VGF: variants seen among roughly 807,000 people sequenced by gnomAD.
The protein encoded by VGF is VGF nerve growth factor inducible.
In VGF, 13 loss-of-function variants were observed where a neutral mutation model predicts 41.1. The observed-to-expected ratio is 0.32, with a 90% CI of 0.21 to 0.50. The LOEUF (loss-of-function observed/expected upper bound fraction) is 0.50. Ranked by LOEUF, VGF falls within the 20% of genes least tolerant of loss-of-function variation. The pLI is 0.98. For missense variants in VGF, 920 were observed against 882.1 expected (o/e 1.04, Z -0.54); for synonymous variants, 473 against 418.3 (o/e 1.13, Z -1.60).
In VGF at chr7:101,164,149, T is replaced by G. The variant is rs1373737851; in HGVS notation, c.695A>C (p.Gln232Pro). 6.6e-7 allele frequency: 1 copy of G among 1,505,372 alleles called. No individual in the cohort carries two copies. The highest frequency in any genetic ancestry group is 1.3e-5 in the South Asian group (1 of 75,968). The allele number at this position is 1,505,372 out of a possible 1,614,324, so 93.3% of individuals were successfully genotyped here. A position where few individuals can be genotyped will look rare whatever the true frequency, so the allele number is the denominator to read the frequency against. The change falls in exon 2 of 2, where the codon CAG becomes CCG. Residue 232 changes from glutamine (Q) to proline (P), a missense_variant. Gln to Pro is a moderately conservative substitution (Grantham distance 76, BLOSUM62 -1). Coordinates refer to ENST00000249330, the MANE Select transcript of VGF (RefSeq NM_003378.4). ...GGGCCCGCTGTCGGGCATACGCGCC[T>G]GGAATTGAGAGGGGGCCGGGGGCGG... ...PLPPPAPSQF[Q>P]ARMPDSGPLP...
At chr7:101,165,716 T>C (rs1165176148), upstream of VGF, 3 of 951,254 alleles carry the variant, frequency 3.2e-6, no homozygotes, top group African/African-American at 3.5e-5. Context: ...GGAGGGTGCC[T>C]GCCTCTCCCG....
Position 101,164,518 on chromosome 7 carries a change from T to C in VGF, c.326A>G (p.Glu109Gly). Residue 109 changes from glutamate (E) to glycine (G), a missense_variant, in exon 2 of 2, where the codon GAA becomes GGA. Coordinates refer to ENST00000249330, the MANE Select transcript of VGF (RefSeq NM_003378.4). Reference sequence around the variant, plus strand: ...CTCGGTCAGCAGAGCTTCAGCTGCTTCTTCCTCCGGCCCCTGCTGGGAGCC... The same window carrying C: ...CTCGGTCAGCAGAGCTTCAGCTGCTCCTTCCTCCGGCCCCTGCTGGGAGCC... ...PSGSQQGPEE[E>G]AAEALLTETV... 1 of 1,599,742 alleles carries C rather than the reference T, an allele frequency of 6.3e-7. No individual in the cohort carries two copies. The highest frequency in any genetic ancestry group is 1.3e-5 in the African/African-American group (1 of 74,948).
At position 101,164,355 on chromosome 7, in the gene VGF, G is replaced by C; in HGVS notation, c.489C>G (p.Leu163=). Residue 163 remains leucine (L), a synonymous_variant, in exon 2 of 2, where the codon CTC becomes CTG. Coordinates refer to ENST00000249330, the MANE Select transcript of VGF (RefSeq NM_003378.4). ...SEELEALASL[L]QELRDFSPSS... ...TTGGACTGAAATCTCGCAGTTCCTG[G>C]AGCAGGGACGCTAGCGCCTCGAGCT... The C allele has an allele frequency of 6.2e-7, 1 of 1,611,940 alleles. No individual in the cohort carries two copies. Among genetic ancestry groups the C allele is most frequent in the Non-Finnish European group, 8.5e-7 (1 of 1,179,902 alleles).
At chr7:101,168,966 G>A (rs1040620927), upstream of VGF, among the ~76,000 whole-genome samples, 2 of 152,060 alleles carry the variant, frequency 1.3e-5, no homozygotes, top group Non-Finnish European at 2.9e-5. Context: ...TACAGAAGAT[G>A]CTGAAGGCCC....
At chr7:101,167,140 C>T (rs1797234634), upstream of VGF, among the ~76,000 whole-genome samples, 1 of 152,166 alleles carries the variant, frequency 6.6e-6, no homozygotes, top group South Asian at 2.1e-4. The surrounding 1 kb of genome is among the most constrained non-coding windows in gnomAD (Gnocchi z 4.2). Flanking sequence ...CCTACACACA[C>T]ACTCACGTGC....
chr7:101,164,864 C>T lies in VGF; in HGVS notation c.-20-1G>A. 2 of 1,532,632 alleles carry T rather than the reference C, an allele frequency of 1.3e-6. No homozygotes were observed. Among genetic ancestry groups the T allele is most frequent in the Non-Finnish European group, 1.8e-6 (2 of 1,139,158 alleles). 94.9% of individuals were successfully genotyped at this position (1,532,632 alleles called of 1,614,324 possible). A position where few individuals can be genotyped will look rare whatever the true frequency, so the allele number is the denominator to read the frequency against. On this transcript the variant is annotated splice_acceptor_variant, in intron 1 of 1. Coordinates refer to ENST00000249330, the MANE Select transcript of VGF (RefSeq NM_003378.4). LOFTEE classifies it low-confidence loss of function (5UTR_SPLICE). ...TTCATGACCAAGAGGCTGCCGGAGA[C>T]TGAAAAATAGAAGGGACCAAAAAAA...
chr7:101,167,013 G>C (rs1372648927), upstream of VGF, among the ~76,000 whole-genome samples: 1 of 152,126 alleles, frequency 6.6e-6, no homozygotes, highest in African/African-American at 2.4e-5. The surrounding 1 kb of genome is among the most constrained non-coding windows in gnomAD (Gnocchi z 4.2). Flanking sequence ...CGCACCCTGA[G>C]ACTCTGGAAA....
Position 101,164,604 on chromosome 7 carries a change from C to T in VGF, c.240G>A (p.Arg80=), listed in dbSNP as rs1426773724. The change falls in exon 2 of 2, where the codon CGG becomes CGA. Residue 80 remains arginine, a synonymous_variant. Transcript: ENST00000249330. ...EGELFQGVDP[R]ALAAVLLQAL... is the part of the protein sequence containing the mutation. ...CCTGCAGCAGCACCGCGGCCAGCGC[C>T]CGGGGATCCACGCCCTGGAAAAGCT... is the stretch of plus-strand genomic sequence containing the variant. The T allele has an allele frequency of 1.3e-6, 2 of 1,599,466 alleles. No individual in the cohort carries two copies. Among genetic ancestry groups the T allele is most frequent in the South Asian group, 2.2e-5 (2 of 89,910 alleles).
chr7:101,164,927 T>G, intron 1 of VGF, 64 bp from the exon 2 acceptor site: 1 of 1,447,476 alleles, frequency 6.9e-7, no homozygotes, highest in Non-Finnish European at 9.1e-7. Flanking sequence ...TAGGTCTACG[T>G]TCCCTTCCCC....
At chr7:101,167,897 G>A (rs68051753), upstream of VGF, among the ~76,000 whole-genome samples, 11,330 of 152,062 alleles carry the variant, frequency 0.075, 632 homozygotes, top group African/African-American at 0.15. The surrounding 1 kb of genome is among the most constrained non-coding windows in gnomAD (Gnocchi z 4.2). Flanking sequence ...GATGGGCATG[G>A]TAGTGTTTCC....
At chr7:101,165,967 G>A (rs1267334768), upstream of VGF, among the ~76,000 whole-genome samples, 1 of 152,244 alleles carries the variant, frequency 6.6e-6, no homozygotes, top group Non-Finnish European at 1.5e-5. Flanking sequence ...GCTGCTGGAT[G>A]GAGCCCGCGT....
In VGF at chr7:101,163,674, T is replaced by C. The variant is rs1562868405; in HGVS notation, c.1170A>G (p.Ala390=). 6.5e-7 allele frequency: 1 copy of C among 1,537,958 alleles called. No homozygotes were observed. The highest frequency in any genetic ancestry group is 8.7e-7 in the Non-Finnish European group (1 of 1,147,088). ...EEDEEAAEAE[A]EAEEAERARQ... is the part of the protein sequence containing the mutation. ...GCGCCCTCTCCGCCTCCTCCGCCTC[T>C]GCCTCCGCCTCGGCCGCCTCCTCAT... is the stretch of plus-strand genomic sequence containing the variant. The change falls in exon 2 of 2, where the codon GCA becomes GCG. Residue 390 remains alanine (A), a synonymous_variant. Transcript: ENST00000249330. This position sits in a 1 kb window ranked among gnomAD's most constrained non-coding sequence, Gnocchi z 5.0.
chr7:101,166,010 C>A (rs968756089), upstream of VGF, among the ~76,000 whole-genome samples: 2 of 152,200 alleles, frequency 1.3e-5, no homozygotes, highest in South Asian at 4.1e-4. Flanking sequence ...GTAGTCCCAG[C>A]GTCTGACTGG....
chr7:101,168,783 G>C (rs1015706063), upstream of VGF, among the ~76,000 whole-genome samples: 4 of 152,166 alleles, frequency 2.6e-5, no homozygotes, highest in Non-Finnish European at 5.9e-5. Flanking sequence ...AGGTCTGGGA[G>C]AGAAAGAGAG....
At chr7:101,165,715 C>A (rs1342676654), upstream of VGF, 3 of 953,782 alleles carry the variant, frequency 3.1e-6, no homozygotes, top group East Asian at 2.3e-4. Flanking sequence ...TGGAGGGTGC[C>A]TGCCTCTCCC....
upstream of VGF, among the ~76,000 whole-genome samples, chr7:101,167,764 T>C (rs2116714501): frequency 6.6e-6 from 1 of 151,992 alleles, no homozygotes; most frequent in East Asian, 1.9e-4. This position sits in a 1 kb window ranked among gnomAD's most constrained non-coding sequence, Gnocchi z 4.2. Flanking sequence ...TGCGTGTACA[T>C]GTACATGGCT....
chr7:101,162,883 C>G lies in VGF; in HGVS notation c.*113G>C, dbSNP rs1584209205. 1 of 727,036 alleles carries G rather than the reference C, an allele frequency of 1.4e-6. No individual in the cohort carries two copies. Among genetic ancestry groups the G allele is most frequent in the Non-Finnish European group, 2.3e-6 (1 of 432,288 alleles). The allele number at this position is 727,036 out of a possible 1,614,324, so 45.0% of individuals were successfully genotyped here. On this transcript the variant is annotated 3_prime_UTR_variant, in exon 2 of 2. Transcript: ENST00000249330. The surrounding 1 kb of genome is among the most constrained non-coding windows in gnomAD (Gnocchi z 4.2). The stretch of plus-strand genomic sequence containing the variant: ...CGCAGCCCGGGGACAGGGGCAGGGC[C>G]AAGGGGCAGGGCCGGGGCGCATGCA...
rs1797203006 is a variant in VGF at position 101,165,493 on chromosome 7, G to T, written c.-140C>A. 1 of 985,352 alleles carries T rather than the reference G, an allele frequency of 1.0e-6. No individual in the cohort carries two copies. Among genetic ancestry groups the T allele is most frequent in the South Asian group, 4.7e-5 (1 of 21,298 alleles). 61.0% of individuals were successfully genotyped at this position (985,352 alleles called of 1,614,324 possible). A position where few individuals can be genotyped will look rare whatever the true frequency, so the allele number is the denominator to read the frequency against. On this transcript the variant is annotated 5_prime_UTR_variant, in exon 1 of 2. Coordinates refer to ENST00000249330, the MANE Select transcript of VGF (RefSeq NM_003378.4). ...GGCCGGGGTAGGAGCGACGGTCGAG[G>T]TCTGGCGTCCCGTGGGCTGGGCTCA...
rs1797137383 is a variant in VGF, at chr7:101,163,077, C to T, written c.1767G>A (p.Glu589=). The T allele has an allele frequency of 1.9e-6, 3 of 1,577,028 alleles. No individual in the cohort carries two copies. The highest frequency in any genetic ancestry group is 1.1e-5 in the South Asian group (1 of 87,238). ...GCAGCCGGCGCTCCTCCGCCTCCGC[C>T]TCCTCCTGCGCGCGCCGCGCCTGGG... The part of the protein sequence containing the change: ...REAQARRAQE[E]AEAEERRLQE... The change falls in exon 2 of 2, where the codon GAG becomes GAA. Residue 589 remains glutamate (E), a synonymous_variant. Coordinates refer to ENST00000249330, the MANE Select transcript of VGF (RefSeq NM_003378.4). This position sits in a 1 kb window ranked among gnomAD's most constrained non-coding sequence, Gnocchi z 5.0.
Sources: allele counts gnomAD v4.1 joint callset (sites outside exome capture counted in the v4.1 genomes callset), GRCh38; gene constraint gnomAD v4.1.1; non-coding constraint Gnocchi (gnomAD v3.1); transcripts MANE v1.5; gene names NCBI Gene and HGNC (gene_info 2026-07-23, HGNC 2026-07-21).